The following BMP2 variants were observed in gnomAD, a reference collection of about 807,000 sequenced individuals.
The protein encoded by BMP2 is bone morphogenetic protein 2, also known as bone morphogenetic protein 2A.
A neutral mutation model predicts 28.8 loss-of-function variants in BMP2; 2 were observed. That is an observed-to-expected ratio of 0.07 (90% CI 0.03 to 0.22). BMP2 has a LOEUF of 0.22. Ranked by LOEUF, BMP2 falls within the 10% of genes least tolerant of loss-of-function variation. BMP2 has a pLI of 1.00. For synonymous variants in BMP2, 218 were observed against 204.3 expected (o/e 1.07, Z -0.57); for missense variants, 437 against 517.7 (o/e 0.84, Z 1.51).
chr20:6,779,148 A>C lies in BMP2; in HGVS notation c.*59A>C. On this transcript the variant is annotated 3_prime_UTR_variant, in exon 3 of 3. Transcript: ENST00000378827. ...TATATATATTTTAGAAAAAAGAAAA[A>C]AACAAACAAACAAAAAAACCCCACC... The C allele has an allele frequency of 4.5e-6, 4 of 886,358 alleles. No homozygotes were observed. The highest frequency in any genetic ancestry group is 5.8e-6 in the Non-Finnish European group (4 of 693,428). The allele number at this position is 886,358 out of a possible 1,614,324, so 54.9% of individuals were successfully genotyped here. A position where few individuals can be genotyped will look rare whatever the true frequency, so the allele number is the denominator to read the frequency against.
intron 1 of BMP2, among the ~76,000 whole-genome samples, chr20:6,769,858 G>C (rs919974779): frequency 9.9e-5 from 15 of 152,154 alleles, no homozygotes; most frequent in Non-Finnish European, 2.2e-4. Flanking sequence ...GTTTGGTTGG[G>C]GGGGAGGGCA....
At chr20:6,776,154 C>G (rs1276066335) in intron 2 of BMP2, among the ~76,000 whole-genome samples, 1 of 152,106 alleles carries the variant, frequency 6.6e-6, no homozygotes, top group African/African-American at 2.4e-5. Flanking sequence ...TCCTTGGGAG[C>G]CACTGAGAAG....
chr20:6,775,405 G>A (rs1286257414), intron 2 of BMP2, among the ~76,000 whole-genome samples: 1 of 152,082 alleles, frequency 6.6e-6, no homozygotes, highest in Non-Finnish European at 1.5e-5. Flanking sequence ...TGCAACCAGG[G>A]GTGTTGCAAT....
rs1204528709 is a variant in BMP2, at chr20:6,778,990, A to G, written c.1092A>G (p.Thr364=). The G allele has an allele frequency of 6.2e-7, 1 of 1,614,034 alleles. No homozygotes were observed. The highest frequency in any genetic ancestry group is 1.1e-5 in the South Asian group (1 of 91,076). The change falls in exon 3 of 3, where the codon ACA becomes ACG. Residue 364 remains threonine (T), a synonymous_variant. Coordinates refer to ENST00000378827, the MANE Select transcript of BMP2 (RefSeq NM_001200.4). This position sits in a 1 kb window ranked among gnomAD's most constrained non-coding sequence, Gnocchi z 5.0. ...TTCCTAAGGCATGCTGTGTCCCGAC[A>G]GAACTCAGTGCTATCTCGATGCTGT... The part of the protein sequence containing the change: ...SKIPKACCVP[T]ELSAISMLYL...
Position 6,779,113 on chromosome 20 carries a change from T to TAA in BMP2, c.*25_*26insAA. The TAA allele has an allele frequency of 1.7e-6, 1 of 596,938 alleles. No individual in the cohort carries two copies. Among genetic ancestry groups the TAA allele is most frequent in the Non-Finnish European group, 2.2e-6 (1 of 464,796 alleles). The allele number at this position is 596,938 out of a possible 1,614,324, so 37.0% of individuals were successfully genotyped here. On this transcript the variant is annotated 3_prime_UTR_variant, in exon 3 of 3. Coordinates refer to ENST00000378827, the MANE Select transcript of BMP2 (RefSeq NM_001200.4). ...AGTACAGCAAAATTAAATACATAAA[T>TAA]ATATATATATATATATATTTTAGAA...
chr20:6,770,494 G>A (rs768828191), intron 2 of BMP2, 22 bp downstream of exon 2: 13 of 1,558,624 alleles, frequency 8.3e-6, no homozygotes, highest in Non-Finnish European at 1.1e-5. Flanking sequence ...AGCAGGGCGT[G>A]GGGGCGGGGA....
At position 6,779,268 on chromosome 20, in the gene BMP2, A is replaced by G. The variant is rs570432395; in HGVS notation, c.*179A>G. The G allele has an allele frequency of 7.5e-5, 16 of 213,486 alleles. No individual in the cohort carries two copies. The highest frequency in any genetic ancestry group is 1.4e-4 in the Non-Finnish European group (16 of 112,456). The allele number at this position is 213,486 out of a possible 1,614,324, so 13.2% of individuals were successfully genotyped here. On this transcript the variant is annotated 3_prime_UTR_variant, in exon 3 of 3. Coordinates refer to ENST00000378827, the MANE Select transcript of BMP2 (RefSeq NM_001200.4). ...TTTTGAAAATATATTTATATCTACG[A>G]AAAGAAGTTGGGAAAACAAATATTT...
At chr20:6,770,581 A>G in intron 2 of BMP2, 109 bp downstream of exon 2, 2 of 1,055,112 alleles carry the variant, frequency 1.9e-6, no homozygotes, top group South Asian at 1.7e-5. Context: ...GCACCAGCGG[A>G]CGTTTCCACT....
At chr20:6,776,505 A>G (rs903721408) in intron 2 of BMP2, among the ~76,000 whole-genome samples, 7 of 152,230 alleles carry the variant, frequency 4.6e-5, no homozygotes, top group South Asian at 2.1e-4. Context: ...CTGGCAATCT[A>G]TACTGGAATA....
Position 6,779,123 on chromosome 20 carries a change from T to A in BMP2, c.*34T>A. 1 of 994,428 alleles carries A rather than the reference T, an allele frequency of 1.0e-6. No individual in the cohort carries two copies. The highest frequency in any genetic ancestry group is 1.3e-6 in the Non-Finnish European group (1 of 785,192). The allele number at this position is 994,428 out of a possible 1,614,324, so 61.6% of individuals were successfully genotyped here. On this transcript the variant is annotated 3_prime_UTR_variant, in exon 3 of 3. Transcript: ENST00000378827. Reference sequence around the variant, plus strand: ...AATTAAATACATAAATATATATATATATATATATTTTAGAAAAAAGAAAAA... The same window carrying A: ...AATTAAATACATAAATATATATATAAATATATATTTTAGAAAAAAGAAAAA...
In BMP2 at chr20:6,778,711, A is replaced by T; in HGVS notation, c.813A>T (p.Gly271=). 6.2e-7 allele frequency: 1 copy of T among 1,614,180 alleles called. No individual in the cohort carries two copies. Among genetic ancestry groups the T allele is most frequent in the Non-Finnish European group, 8.5e-7 (1 of 1,180,010 alleles). The part of the protein sequence containing the change: ...RPLLVTFGHD[G]KGHPLHKREK... The stretch of plus-strand genomic sequence containing the variant: ...TGCTAGTAACTTTTGGCCATGATGG[A>T]AAAGGGCATCCTCTCCACAAAAGAG... The change falls in exon 3 of 3, where the codon GGA becomes GGT. Residue 271 remains glycine (G), a synonymous_variant. Coordinates refer to ENST00000378827, the MANE Select transcript of BMP2 (RefSeq NM_001200.4). This position sits in a 1 kb window ranked among gnomAD's most constrained non-coding sequence, Gnocchi z 5.0.
Position 6,768,003 on chromosome 20 carries a change from G to A in BMP2, c.-880G>A, listed in dbSNP as rs951366634. 2.5e-6 allele frequency: 1 copy of A among 397,750 alleles called. No homozygotes were observed. Among genetic ancestry groups the A allele is most frequent in the Non-Finnish European group, 4.4e-6 (1 of 225,574 alleles). The allele number at this position is 397,750 out of a possible 1,614,324, so 24.6% of individuals were successfully genotyped here. ...GGGCGCGCAGAGCGCCGGGGACTCCGGAGCCGATCCCTAGCGCCGCGATGC... is the reference window on the plus strand; with the variant it reads ...GGGCGCGCAGAGCGCCGGGGACTCCAGAGCCGATCCCTAGCGCCGCGATGC... On this transcript the variant is annotated 5_prime_UTR_variant, in exon 1 of 3. Coordinates refer to ENST00000378827, the MANE Select transcript of BMP2 (RefSeq NM_001200.4).
Position 6,767,771 on chromosome 20 carries a change from A to G in BMP2, c.-1112A>G, listed in dbSNP as rs960369664. On this transcript the variant is annotated 5_prime_UTR_variant, in exon 1 of 3. Coordinates refer to ENST00000378827, the MANE Select transcript of BMP2 (RefSeq NM_001200.4). Reference sequence around the variant, plus strand: ...CTGCGCTAGTCGCTCCGCTTCCCACACCCCGCCGGGGACTGGCAGCCGCCG... The same window carrying G: ...CTGCGCTAGTCGCTCCGCTTCCCACGCCCCGCCGGGGACTGGCAGCCGCCG... 1.2e-5 allele frequency: 3 copies of G among 249,066 alleles called. No homozygotes were observed. Among genetic ancestry groups the G allele is most frequent in the Non-Finnish European group, 2.3e-5 (3 of 132,886 alleles). The allele number at this position is 249,066 out of a possible 1,614,324, so 15.4% of individuals were successfully genotyped here.
At position 6,778,587 on chromosome 20, in the gene BMP2, T is replaced by C; in HGVS notation, c.689T>C (p.Val230Ala). Residue 230 changes from valine (V) to alanine (A), a missense_variant, in exon 3 of 3, where the codon GTG becomes GCG. Physicochemically the swap from Val to Ala is moderately conservative, Grantham distance 64. This residue lies in a region of BMP2 where 363 missense variants were observed against 392.8 expected (regional missense o/e 0.92). Coordinates refer to ENST00000378827, the MANE Select transcript of BMP2 (RefSeq NM_001200.4). The surrounding 1 kb of genome is among the most constrained non-coding windows in gnomAD (Gnocchi z 5.0). ...GCCAACCATGGATTCGTGGTGGAAG[T>C]GGCCCACTTGGAGGAGAAACAAGGT... ...GHANHGFVVE[V>A]AHLEEKQGVS... 1 of 1,614,058 alleles carries C rather than the reference T, an allele frequency of 6.2e-7. No homozygotes were observed. Among genetic ancestry groups the C allele is most frequent in the South Asian group, 1.1e-5 (1 of 91,048 alleles).
At chr20:6,771,089 G>A (rs968787991) in intron 2 of BMP2, among the ~76,000 whole-genome samples, 7 of 152,100 alleles carry the variant, frequency 4.6e-5, no homozygotes, top group Admixed American at 4.6e-4. Context: ...CTTGTCCTGT[G>A]CTTAAATCTG....
At chr20:6,770,609 G>A (rs1986379678) in intron 2 of BMP2, 137 bp downstream of exon 2, 5 of 860,362 alleles carry the variant, frequency 5.8e-6, no homozygotes, top group Non-Finnish European at 8.6e-6. Flanking sequence ...CTGTACTATC[G>A]TTTCTGAATC....
chr20:6,770,050 G>C (rs961640875), intron 1 of BMP2, 70 bp from the exon 2 acceptor site: 10 of 1,444,710 alleles, frequency 6.9e-6, no homozygotes, highest in Admixed American at 4.5e-5. Flanking sequence ...ATGGGAGACC[G>C]GGCCGCGGGG....
At position 6,767,969 on chromosome 20, in the gene BMP2, G is replaced by A; in HGVS notation, c.-914G>A. The A allele has an allele frequency of 2.5e-6, 1 of 396,776 alleles. No individual in the cohort carries two copies. Among genetic ancestry groups the A allele is most frequent in the Non-Finnish European group, 4.4e-6 (1 of 224,964 alleles). The allele number at this position is 396,776 out of a possible 1,614,324, so 24.6% of individuals were successfully genotyped here. A position where few individuals can be genotyped will look rare whatever the true frequency, so the allele number is the denominator to read the frequency against. ...CCTCTGCTGCCCGGGCTGCGCCAGAGCCGCGGACGGGCGCGCAGAGCGCCG... is the reference window on the plus strand; with the variant it reads ...CCTCTGCTGCCCGGGCTGCGCCAGAACCGCGGACGGGCGCGCAGAGCGCCG... On this transcript the variant is annotated 5_prime_UTR_variant, in exon 1 of 3. Transcript: ENST00000378827.
At chr20:6,769,935 C>T (rs1429531703) in intron 1 of BMP2, among the ~76,000 whole-genome samples, 185 bp from the exon 2 acceptor site, 6 of 152,158 alleles carry the variant, frequency 3.9e-5, no homozygotes, top group African/African-American at 1.2e-4. Context: ...GGTTCAGGAA[C>T]TTGGGACCCT....
Sources: allele counts gnomAD v4.1 joint callset (sites outside exome capture counted in the v4.1 genomes callset), GRCh38; gene constraint gnomAD v4.1.1; regional missense constraint gnomAD v4.1.1; non-coding constraint Gnocchi (gnomAD v3.1); transcripts MANE v1.5; gene names NCBI Gene and HGNC (gene_info 2026-07-23, HGNC 2026-07-21).